The following HS6ST3 variants were observed in gnomAD, a reference collection of about 807,000 sequenced individuals.
HS6ST3 encodes the protein heparan-sulfate 6-O-sulfotransferase 3.
Under a neutral mutation model 36.7 loss-of-function variants are expected in HS6ST3, and 12 were observed. The ratio of observed to expected loss-of-function variants is 0.33; its 90% CI spans 0.21 to 0.53. HS6ST3 has a LOEUF of 0.53. Among genes scored for constraint, HS6ST3 ranks in the 20% least tolerant of loss-of-function variants. HS6ST3 has a pLI of 0.95. For synonymous variants in HS6ST3, 240 were observed against 257.5 expected, an observed-to-expected ratio of 0.93 and a Z score of 0.65; for missense variants, 584 against 640.9, an observed-to-expected ratio of 0.91 and a Z score of 0.96.
At chr13:96,412,186 G>A (rs1341777732) in intron 1 of HS6ST3, among the ~76,000 whole-genome samples, 4 of 152,052 alleles carry the variant, frequency 2.6e-5, no homozygotes, top group African/African-American at 9.7e-5. Context: ...TGCATTTTTA[G>A]TAGAGACGGG....
At chr13:96,380,731 T>C (rs1480788000) in intron 1 of HS6ST3, among the ~76,000 whole-genome samples, 1 of 152,262 alleles carries the variant, frequency 6.6e-6, no homozygotes, top group Non-Finnish European at 1.5e-5. Flanking sequence ...CTACTGATAC[T>C]TAATATGTTT....
chr13:96,649,727 C>G (rs886620830), intron 1 of HS6ST3, among the ~76,000 whole-genome samples: 1 of 151,900 alleles, frequency 6.6e-6, no homozygotes, highest in Non-Finnish European at 1.5e-5. Context: ...TTATCCTTGC[C>G]CCTTTACAGT....
chr13:96,702,534 A>G (rs1398155597), intron 1 of HS6ST3, among the ~76,000 whole-genome samples: 1 of 152,214 alleles, frequency 6.6e-6, no homozygotes, highest in Non-Finnish European at 1.5e-5. Context: ...TGAACCTTCC[A>G]GAGTACAGTG....
At chr13:96,427,779 T>C (rs1566358233) in intron 1 of HS6ST3, among the ~76,000 whole-genome samples, 3 of 152,140 alleles carry the variant, frequency 2.0e-5, no homozygotes, top group Non-Finnish European at 4.4e-5. Flanking sequence ...GGATCCCACA[T>C]TGCATTTAGT....
At chr13:96,565,608 A>G (rs1350891289) in intron 1 of HS6ST3, among the ~76,000 whole-genome samples, 3 of 152,166 alleles carry the variant, frequency 2.0e-5, no homozygotes, top group Non-Finnish European at 2.9e-5. Context: ...AATCTGAATT[A>G]AAGGACCTCA....
intron 1 of HS6ST3, among the ~76,000 whole-genome samples, chr13:96,459,824 A>G (rs1416935004): frequency 6.6e-6 from 1 of 152,194 alleles, no homozygotes; most frequent in Admixed American, 6.5e-5. Flanking sequence ...GAATAATGGG[A>G]TAATCAAGAT....
intron 1 of HS6ST3, among the ~76,000 whole-genome samples, chr13:96,486,451 A>T (rs1295583918): frequency 6.6e-6 from 1 of 152,202 alleles, no homozygotes; most frequent in African/African-American, 2.4e-5. Context: ...ACTGTCTTCC[A>T]CAATGGTTGA....
At chr13:96,513,566 G>T (rs2056059580) in intron 1 of HS6ST3, among the ~76,000 whole-genome samples, 1 of 151,980 alleles carries the variant, frequency 6.6e-6, no homozygotes, top group South Asian at 2.1e-4. Context: ...GCTGAGCTCT[G>T]CCAGGTTACT....
intron 1 of HS6ST3, among the ~76,000 whole-genome samples, chr13:96,284,213 G>T (rs759801646): frequency 2.6e-5 from 4 of 152,102 alleles, no homozygotes; most frequent in Non-Finnish European, 4.4e-5. Context: ...TAGAGGCACA[G>T]ACCTAATAGG....
At chr13:96,732,048 C>T (rs757061227) in intron 1 of HS6ST3, among the ~76,000 whole-genome samples, 17 of 152,152 alleles carry the variant, frequency 1.1e-4, no homozygotes, top group African/African-American at 3.9e-4. Flanking sequence ...CCTCTCTTTA[C>T]GCACATCCTT....
chr13:96,156,518 A>G (rs1165135053), intron 1 of HS6ST3, among the ~76,000 whole-genome samples: 2 of 152,186 alleles, frequency 1.3e-5, no homozygotes, highest in Non-Finnish European at 2.9e-5. Flanking sequence ...AAATTTCAGA[A>G]TGGTAGAGCT....
At chr13:96,211,120 C>T (rs910594911) in intron 1 of HS6ST3, among the ~76,000 whole-genome samples, 4 of 152,006 alleles carry the variant, frequency 2.6e-5, no homozygotes, top group South Asian at 2.1e-4. Flanking sequence ...TTGGTAGAGA[C>T]GGGGTTTCAC....
At chr13:96,623,539 T>G (rs1324659064) in intron 1 of HS6ST3, among the ~76,000 whole-genome samples, 3 of 152,098 alleles carry the variant, frequency 2.0e-5, no homozygotes, top group African/African-American at 7.2e-5. Flanking sequence ...TTGTTCACGT[T>G]CAACCAACAA....
At chr13:96,380,174 G>A (rs1594767215) in intron 1 of HS6ST3, among the ~76,000 whole-genome samples, 1 of 151,806 alleles carries the variant, frequency 6.6e-6, no homozygotes, top group Non-Finnish European at 1.5e-5. Context: ...AACAGTTTCA[G>A]TTGATTGACC....
rs116010483 is a variant in HS6ST3 at position 96,411,552 on chromosome 13, C to T, written c.707+319983C>T. ...GCAAAGAAGTAAAGAAGGTCCAATT[C>T]CTGTGTTGAACCAAGACTTCATCTT... is the stretch of plus-strand genomic sequence containing the variant. On this transcript the variant is annotated intron_variant, in intron 1 of 1. Transcript: ENST00000376705. 8.1e-4 allele frequency among the ~76,000 whole-genome samples: 124 copies of T among 152,180 alleles called. 2 individuals carry two copies. The highest frequency in any genetic ancestry group is 2.9e-3 in the African/African-American group (120 of 41,502).
chr13:96,600,580 T>C (rs1004010469), intron 1 of HS6ST3, among the ~76,000 whole-genome samples: 1 of 152,120 alleles, frequency 6.6e-6, no homozygotes, highest in Non-Finnish European at 1.5e-5. Context: ...ATTGGGTCCC[T>C]TGAAGACAGC....
In HS6ST3 at chr13:96,731,617, T is replaced by C. The variant is rs192774355; in HGVS notation, c.708-100873T>C. On this transcript the variant is annotated intron_variant, in intron 1 of 1. Transcript: ENST00000376705. ...CTTTGTAAATATATATGCCCAGTAGTACAGTTGCTGGATCATATGGTAGTT... is the reference window on the plus strand; with the variant it reads ...CTTTGTAAATATATATGCCCAGTAGCACAGTTGCTGGATCATATGGTAGTT... 4.6e-3 allele frequency among the ~76,000 whole-genome samples: 705 copies of C among 152,240 alleles called. 7 individuals are homozygous for C. The highest frequency in any genetic ancestry group is 0.016 in the African/African-American group (658 of 41,548).
intron 1 of HS6ST3, among the ~76,000 whole-genome samples, chr13:96,420,935 T>A (rs2139468045): frequency 6.6e-6 from 1 of 152,308 alleles, no homozygotes; most frequent in East Asian, 1.9e-4. Context: ...TGACCTTTTT[T>A]CCTACTCCAT....
At chr13:96,636,548 C>A (rs1024543685) in intron 1 of HS6ST3, among the ~76,000 whole-genome samples, 2 of 152,122 alleles carry the variant, frequency 1.3e-5, no homozygotes, top group African/African-American at 2.4e-5. Flanking sequence ...CTCATCCTAT[C>A]TCACAGGCTC....
Sources: allele counts gnomAD v4.1 joint callset (sites outside exome capture counted in the v4.1 genomes callset), GRCh38; gene constraint gnomAD v4.1.1; transcripts MANE v1.5; gene names NCBI Gene and HGNC (gene_info 2026-07-23, HGNC 2026-07-21).